The following ZNF682 variants were observed in gnomAD, a reference collection of about 807,000 sequenced individuals.
ZNF682 encodes the protein zinc finger protein 682.
ZNF682 carries 29 observed loss-of-function variants against 36.5 expected under a neutral mutation model. That is an observed-to-expected ratio of 0.80 (90% confidence interval 0.59 to 1.08). The LOEUF is 1.08. Among genes scored for constraint, ZNF682 ranks in the 50% least tolerant of loss-of-function variants. The probability of loss-of-function intolerance (pLI) is 0.00; values close to 1 mark genes in which losing one functional copy is unlikely to be tolerated. For synonymous variants in ZNF682, 180 were observed against 197.0 expected (o/e 0.91, Z 0.72); for missense variants, 561 against 579.7 (o/e 0.97, Z 0.33).
chr19:20,028,669 G>C (rs2088453211), intron 1 of ZNF682, among the ~76,000 whole-genome samples: 1 of 152,232 alleles, frequency 6.6e-6, no homozygotes, highest in East Asian at 1.9e-4. Flanking sequence ...AAATGCTTTT[G>C]GTCCAAAATA....
intron 1 of ZNF682, among the ~76,000 whole-genome samples, chr19:20,032,818 GTAGA>G (rs1027494747): frequency 2.6e-5 from 4 of 152,310 alleles, no homozygotes; most frequent in East Asian, 3.9e-4. Context: ...CTCACTTGTC[GTAGA>G]TAGTTTATCC....
downstream of ZNF682, among the ~76,000 whole-genome samples, chr19:20,004,020 A>G (rs768964973): frequency 6.6e-6 from 1 of 152,232 alleles, no homozygotes; most frequent in African/African-American, 2.4e-5. Flanking sequence ...ACATATTTGT[A>G]TATTAAACTT....
chr19:20,023,623 A>T (rs1232845556), intron 2 of ZNF682, among the ~76,000 whole-genome samples: 1 of 152,124 alleles, frequency 6.6e-6, no homozygotes, highest in Non-Finnish European at 1.5e-5. Flanking sequence ...TTGGTGGTAG[A>T]AGTTGGATTT....
intron 1 of ZNF682, among the ~76,000 whole-genome samples, chr19:20,034,848 G>A (rs989765026): frequency 2.0e-5 from 3 of 151,874 alleles, no homozygotes; most frequent in African/African-American, 7.3e-5. Flanking sequence ...TGTAATCCAA[G>A]CACTTTGGGA....
chr19:20,009,739 G>A (rs1216969682), intron 3 of ZNF682, among the ~76,000 whole-genome samples: 1 of 152,190 alleles, frequency 6.6e-6, no homozygotes, highest in East Asian at 1.9e-4. Context: ...TAAAGAAAGA[G>A]GCCAGGTGCA....
Position 20,004,509 on chromosome 19 carries a change from T to C in ZNF682, c.*1496A>G, listed in dbSNP as rs1426433397. On this transcript the variant is annotated 3_prime_UTR_variant, in exon 4 of 4. Coordinates refer to ENST00000397165, the MANE Select transcript of ZNF682 (RefSeq NM_033196.3). ...ATCCACTATACTATCTAATGTGCAA[T>C]TGGTAAAACAATTTACTAAAATTTG... 6.6e-6 allele frequency: 1 copy of C among 152,212 alleles called. No individual in the cohort carries two copies. The highest frequency in any genetic ancestry group is 1.5e-5 in the Non-Finnish European group (1 of 68,034). 9.4% of individuals were successfully genotyped at this position (152,212 alleles called of 1,614,324 possible).
In ZNF682 at chr19:20,027,155, T is replaced by C. The variant is rs567706915; in HGVS notation, c.4-2779A>G. Among the ~76,000 whole-genome samples, 3 of 152,252 alleles carry C rather than the reference T, an allele frequency of 2.0e-5. No homozygotes were observed. The East Asian group carries it at 5.8e-4, about 29-fold the overall frequency. The stretch of plus-strand genomic sequence containing the variant: ...GATATTATCTGGAAAATCACATCTG[T>C]AACTTGAGCATACGCCTTTTAAAGC... On this transcript the variant is annotated intron_variant, in intron 1 of 3. Coordinates refer to ENST00000397165, the MANE Select transcript of ZNF682 (RefSeq NM_033196.3).
At chr19:20,030,441 A>T (rs1271635072) in intron 1 of ZNF682, among the ~76,000 whole-genome samples, 2 of 152,094 alleles carry the variant, frequency 1.3e-5, no homozygotes, top group Non-Finnish European at 2.9e-5. Context: ...GTGGTGGTGC[A>T]CGCCTGTAAT....
Position 20,004,895 on chromosome 19 carries a change from T to G in ZNF682, c.*1110A>C, listed in dbSNP as rs566863625. On this transcript the variant is annotated 3_prime_UTR_variant, in exon 4 of 4. Coordinates refer to ENST00000397165, the MANE Select transcript of ZNF682 (RefSeq NM_033196.3). ...AAAATATTAATCTCCTATTTCTGTT[T>G]AGGCTAACTAAATTATGTTAACCTT... 7 of 152,350 alleles carry G rather than the reference T, an allele frequency of 4.6e-5. No homozygotes were observed. The South Asian group carries it at 1.2e-3, about 27-fold the overall frequency. 9.4% of individuals were successfully genotyped at this position (152,350 alleles called of 1,614,324 possible). A position where few individuals can be genotyped will look rare whatever the true frequency, so the allele number is the denominator to read the frequency against.
rs2088400173 is a variant in ZNF682 at position 20,023,020 on chromosome 19, G to A, written c.210C>T (p.Thr70=). The change falls in exon 3 of 4, where the codon ACC becomes ACT. Residue 70 remains threonine, a synonymous_variant. Transcript: ENST00000397165. ...QEPWNVKRHE[T]IAKPPAMSSH... Reference sequence around the variant, plus strand: ...CCAACCTACCTGGGGGTTTGGCTATGGTCTCATGTCTCTTCACATTCCAGG... The same window carrying A: ...CCAACCTACCTGGGGGTTTGGCTATAGTCTCATGTCTCTTCACATTCCAGG... 3 of 1,613,400 alleles carry A rather than the reference G, an allele frequency of 1.9e-6. No individual in the cohort carries two copies. The highest frequency in any genetic ancestry group is 1.3e-5 in the African/African-American group (1 of 74,894).
chr19:20,022,053 C>G (rs2088388950), intron 3 of ZNF682, among the ~76,000 whole-genome samples: 1 of 151,558 alleles, frequency 6.6e-6, no homozygotes, highest in South Asian at 2.1e-4. Context: ...GCCTGTAATA[C>G]CAGCTACTTG....
At chr19:20,037,043 A>G (rs1345159726) in intron 1 of ZNF682, among the ~76,000 whole-genome samples, 1 of 152,180 alleles carries the variant, frequency 6.6e-6, no homozygotes, top group Non-Finnish European at 1.5e-5. Flanking sequence ...AGGAAAAGGC[A>G]AAAGAACAAA....
intron 3 of ZNF682, among the ~76,000 whole-genome samples, chr19:20,021,947 G>T (rs926100604): frequency 1.3e-5 from 2 of 151,958 alleles, no homozygotes; most frequent in African/African-American, 4.8e-5. Flanking sequence ...GAGGCGGGTG[G>T]ATCACCTGAG....
At position 20,006,930 on chromosome 19, in the gene ZNF682, T is replaced by C. The variant is rs1370539241; in HGVS notation, c.572A>G (p.His191Arg). ...TTTCTCTTCAGTGTGAATTATCTTATGATAAGAAAGGCCTGAGTGAGATTT... is the reference window on the plus strand; with the variant it reads ...TTTCTCTTCAGTGTGAATTATCTTACGATAAGAAAGGCCTGAGTGAGATTT... ...VFKSHSGLSY[H>R]KIIHTEEKLC... The change falls in exon 4 of 4, where the codon CAT (histidine) becomes CGT (arginine). Residue 191 changes from histidine to arginine, a missense_variant. Coordinates refer to ENST00000397165, the MANE Select transcript of ZNF682 (RefSeq NM_033196.3). 1.9e-6 allele frequency: 3 copies of C among 1,613,652 alleles called. No homozygotes were observed. The highest frequency in any genetic ancestry group is 2.7e-5 in the African/African-American group (2 of 74,940).
chr19:20,029,822 T>TA (rs58158506), intron 1 of ZNF682, among the ~76,000 whole-genome samples: 15 of 150,648 alleles, frequency 1.0e-4, no homozygotes, highest in Non-Finnish European at 1.8e-4. Context: ...TGGTTTTAAT[T>TA]AAAAAAAAAA....
At chr19:19,999,063 G>C (rs555505450) in intron 3 of ZNF682, among the ~76,000 whole-genome samples, 1 of 152,026 alleles carries the variant, frequency 6.6e-6, no homozygotes. Flanking sequence ...ACCCCAGGGG[G>C]CTCTCTCCCT....
intron 1 of ZNF682, among the ~76,000 whole-genome samples, chr19:20,028,365 GC>G (rs1210865573): frequency 6.6e-6 from 1 of 152,014 alleles, no homozygotes; most frequent in Non-Finnish European, 1.5e-5. Context: ...ATGCCACCAT[GC>G]CCGGGTGGCT....
intron 3 of ZNF682, among the ~76,000 whole-genome samples, chr19:20,021,545 A>C (rs992718513): frequency 7.9e-5 from 12 of 152,208 alleles, no homozygotes; most frequent in African/African-American, 2.9e-4. Context: ...AGATGCATTC[A>C]TTAACTTAAC....
chr19:20,034,545 G>A (rs537958607), intron 1 of ZNF682, among the ~76,000 whole-genome samples: 3 of 152,254 alleles, frequency 2.0e-5, no homozygotes, highest in South Asian at 2.1e-4. Flanking sequence ...TTAAGAGACC[G>A]AGGCGGACGG....
Sources: gnomAD v4.1 joint callset for allele counts (sites outside exome capture counted in the v4.1 genomes callset) on GRCh38, gnomAD v4.1.1 for gene constraint, MANE v1.5 for transcripts, NCBI Gene and HGNC (gene_info 2026-07-23, HGNC 2026-07-21) for gene names.